ADAM12: variants seen among roughly 807,000 people sequenced by gnomAD.
The protein encoded by ADAM12 is ADAM metallopeptidase domain 12.
A neutral mutation model predicts 106.4 loss-of-function variants in ADAM12; 70 were observed. The ratio of observed to expected loss-of-function variants is 0.66; its 90% confidence interval spans 0.54 to 0.80. ADAM12 has a LOEUF of 0.80. Among genes scored for constraint, ADAM12 ranks in the 30% least tolerant of loss-of-function variants. The pLI, the probability that ADAM12 is intolerant of heterozygous loss-of-function variation, is 0.00. For synonymous variants in ADAM12, 420 were observed against 433.5 expected (o/e 0.97, Z 0.39); for missense variants, 1,010 against 1,171.9 (o/e 0.86, Z 2.02).
chr10:126,257,220 G>C (rs1233107489), intron 3 of ADAM12, among the ~76,000 whole-genome samples: 1 of 152,166 alleles, frequency 6.6e-6, no homozygotes, highest in Non-Finnish European at 1.5e-5. Flanking sequence ...ACCCTCCAAA[G>C]ACAGTACCGG....
intron 14 of ADAM12, among the ~76,000 whole-genome samples, chr10:126,054,546 CCTATCAGTCTT>C (rs1276583978): frequency 6.6e-6 from 1 of 152,238 alleles, no homozygotes; most frequent in Non-Finnish European, 1.5e-5. Flanking sequence ...ATACCTAATG[CCTATCAGTCTT>C]CAGCCTTTTT....
chr10:126,061,575 A>T (rs1051268591), intron 14 of ADAM12, among the ~76,000 whole-genome samples: 3 of 152,178 alleles, frequency 2.0e-5, no homozygotes, highest in African/African-American at 7.2e-5. Context: ...GGTGAGCCTG[A>T]TGGAATCAAA....
At chr10:126,041,787 G>A (rs894986042) in intron 18 of ADAM12, 12 of 1,117,822 alleles carry the variant, frequency 1.1e-5, no homozygotes, top group African/African-American at 1.6e-5. Flanking sequence ...CCCCACTGCT[G>A]TGGAGGCTCA....
chr10:126,065,209 A>C (rs1006287880), intron 13 of ADAM12, among the ~76,000 whole-genome samples: 1 of 152,176 alleles, frequency 6.6e-6, no homozygotes, highest in Non-Finnish European at 1.5e-5. Flanking sequence ...AGTGGGTGGG[A>C]CAACCAAGAG....
At chr10:126,075,334 GA>G (rs1406870209) in intron 11 of ADAM12, among the ~76,000 whole-genome samples, 1 of 152,110 alleles carries the variant, frequency 6.6e-6, no homozygotes, top group African/African-American at 2.4e-5. Flanking sequence ...GGCTTTAGAG[GA>G]AGAAAATCAG....
intron 6 of ADAM12, among the ~76,000 whole-genome samples, chr10:126,115,435 A>G (rs1341235690): frequency 6.6e-6 from 1 of 152,158 alleles, no homozygotes; most frequent in Non-Finnish European, 1.5e-5. Context: ...TCAAAAATCC[A>G]CAGAGAGAAC....
chr10:126,146,576 G>T (rs574491486), intron 4 of ADAM12, among the ~76,000 whole-genome samples: 2 of 152,204 alleles, frequency 1.3e-5, no homozygotes, highest in African/African-American at 4.8e-5. Flanking sequence ...ACAGAAAATT[G>T]CAATTTAGTT....
In ADAM12 at chr10:126,277,262, A is replaced by C. The variant is rs965778294; in HGVS notation, c.260+1653T>G. Reference sequence around the variant, plus strand: ...CACTGGGTATGTATATTGTTTTCATAGTAAAAACAACTTAAGGTTTTTATG... The same window carrying C: ...CACTGGGTATGTATATTGTTTTCATCGTAAAAACAACTTAAGGTTTTTATG... On this transcript the variant is annotated intron_variant, in intron 3 of 22. Transcript: ENST00000448723. Among the ~76,000 whole-genome samples, 19 of 152,312 alleles carry C rather than the reference A, an allele frequency of 1.2e-4. No homozygotes were observed. The East Asian group carries it at 3.7e-3, about 29-fold the overall frequency.
At chr10:126,255,037 C>T (rs1358047907) in intron 3 of ADAM12, among the ~76,000 whole-genome samples, 2 of 152,180 alleles carry the variant, frequency 1.3e-5, no homozygotes, top group Non-Finnish European at 2.9e-5. Context: ...ACCCTCGGAG[C>T]ACGGCTTTCC....
At chr10:126,109,709 GC>G (rs1955834296) in intron 7 of ADAM12, 65 bp downstream of exon 7, 1 of 1,450,382 alleles carries the variant, frequency 6.9e-7, no homozygotes, top group South Asian at 1.2e-5. Context: ...GTAATAACTT[GC>G]AAAACATGTC....
rs1304409410 is a variant in ADAM12 at position 126,157,023 on chromosome 10, GTGTGT to G, written c.261-1723_261-1719del. Among the ~76,000 whole-genome samples the G allele has an allele frequency of 4.8e-3, 504 of 104,808 alleles. 5 individuals are homozygous for G. Among genetic ancestry groups the G allele is most frequent in the African/African-American group, 0.014 (480 of 34,432 alleles). The allele number at this position is 104,808 out of a possible 152,430, so 68.8% of individuals were successfully genotyped here. On this transcript the variant is annotated intron_variant, in intron 3 of 22. Transcript: ENST00000448723. ...CTCTTCACACCGTTTGGTTTTGTGT[GTGTGT>G]GTGTGGGGGGGTGCTCCTCCACTCT...
At chr10:126,257,561 A>T (rs1173605040) in intron 3 of ADAM12, among the ~76,000 whole-genome samples, 1 of 152,130 alleles carries the variant, frequency 6.6e-6, no homozygotes, top group Non-Finnish European at 1.5e-5. Context: ...CATTTTATTG[A>T]CTCTTTAAAT....
chr10:126,383,540 T>C (rs1856559950), intron 1 of ADAM12, among the ~76,000 whole-genome samples: 1 of 151,918 alleles, frequency 6.6e-6, no homozygotes, highest in African/African-American at 2.4e-5. Context: ...GATAAGAGCA[T>C]TGCTAAAGCA....
At chr10:126,318,727 G>C (rs1422812988) in intron 2 of ADAM12, among the ~76,000 whole-genome samples, 1 of 152,170 alleles carries the variant, frequency 6.6e-6, no homozygotes, top group Non-Finnish European at 1.5e-5. Context: ...ATATTCTAAA[G>C]TATAAAATAA....
chr10:126,270,834 G>A (rs1035354190), intron 3 of ADAM12, among the ~76,000 whole-genome samples: 1 of 152,194 alleles, frequency 6.6e-6, no homozygotes, highest in Non-Finnish European at 1.5e-5. Flanking sequence ...GGGCCTGGGA[G>A]CGATCCTAGA....
intron 1 of ADAM12, among the ~76,000 whole-genome samples, chr10:126,377,454 G>T (rs1018238894): frequency 1.3e-4 from 20 of 151,934 alleles, no homozygotes; most frequent in African/African-American, 4.6e-4. Flanking sequence ...AGTCAGTCTA[G>T]TCTTTTCACA....
chr10:126,338,414 G>A lies in ADAM12; in HGVS notation c.89-7905C>T, dbSNP rs560332476. On this transcript the variant is annotated intron_variant, in intron 1 of 22. Coordinates refer to ENST00000448723, the MANE Select transcript of ADAM12 (RefSeq NM_001288973.2). Reference sequence around the variant, plus strand: ...ACTACAGGCGCCCGCCACTACGCCCGGCTAATTTTTTGTATTTTTAGTAGA... The same window carrying A: ...ACTACAGGCGCCCGCCACTACGCCCAGCTAATTTTTTGTATTTTTAGTAGA... Among the ~76,000 whole-genome samples the A allele has an allele frequency of 2.0e-3, 296 of 151,382 alleles. 1 individual carries two copies. Among genetic ancestry groups the A allele is most frequent in the Non-Finnish European group, 3.6e-3 (246 of 67,858 alleles).
intron 11 of ADAM12, among the ~76,000 whole-genome samples, chr10:126,077,116 A>G (rs1443555654): frequency 6.6e-6 from 1 of 152,216 alleles, no homozygotes; most frequent in East Asian, 1.9e-4. Context: ...ATAATGTTCT[A>G]GCTGAGAACA....
chr10:126,364,107 TA>T (rs1855830801), intron 1 of ADAM12, among the ~76,000 whole-genome samples: 1 of 152,118 alleles, frequency 6.6e-6, no homozygotes, highest in East Asian at 1.9e-4. Context: ...TGTACATGTC[TA>T]AAAAAAGTTA....
Sources: allele counts gnomAD v4.1 joint callset (sites outside exome capture counted in the v4.1 genomes callset), GRCh38; gene constraint gnomAD v4.1.1; transcripts MANE v1.5; gene names NCBI Gene and HGNC (gene_info 2026-07-23, HGNC 2026-07-21).